The following OR10J1 variants were observed in gnomAD, a reference collection of about 807,000 sequenced individuals.
The protein encoded by OR10J1 is olfactory receptor family 10 subfamily J member 1, also known as olfactory receptor 10J1.
For missense variants in OR10J1, 474 were observed against 376.6 expected, an observed-to-expected ratio of 1.26 and a Z score of -2.14; for synonymous variants, 202 against 143.8, an observed-to-expected ratio of 1.40 and a Z score of -2.89.
At chr1:159,406,460 T>C in the OR10J1 span, 1 of 280,956 alleles carries the variant, frequency 3.6e-6, no homozygotes, top group Admixed American at 4.1e-5. Context: ...CTGAGCAGCA[T>C]CAGTTTTTTG....
At chr1:159,439,560 A>G (rs1655841118), upstream of OR10J1, among the ~76,000 whole-genome samples, 1 of 152,200 alleles carries the variant, frequency 6.6e-6, no homozygotes, top group Non-Finnish European at 1.5e-5. Flanking sequence ...TGAAAAAGTG[A>G]GACTATATGA....
the OR10J1 span, among the ~76,000 whole-genome samples, chr1:159,418,413 G>T: frequency 6.6e-6 from 1 of 152,132 alleles, no homozygotes; most frequent in Non-Finnish European, 1.5e-5. Context: ...GGTTAAAAGG[G>T]ACCAAGGTAC....
chr1:159,399,570 C>CAAAAAAAAAAAAAAA, the OR10J1 span, among the ~76,000 whole-genome samples: 1 of 56,102 alleles, frequency 1.8e-5, no homozygotes. Flanking sequence ...GATTCTGTCT[C>CAAAAAAAAAAAAAAA]AAAAAAAAAA....
rs749788094 is a variant in OR10J1 at position 159,439,987 on chromosome 1, C to A, written c.196C>A (p.Leu66Met). Residue 66 changes from leucine (L) to methionine (M), a missense_variant, in exon 1 of 1, where the codon CTG becomes ATG. Physicochemically the swap from Leu to Met is conservative, Grantham distance 15 (BLOSUM62 2). Transcript: ENST00000423932. ...HTPMYFFLSM[L>M]STSETVYTLV... ...ACCCATGTACTTCTTCCTGAGCATG[C>A]TGTCCACTTCAGAGACTGTATATAC... 17 of 1,614,182 alleles carry A rather than the reference C, an allele frequency of 1.1e-5. No homozygotes were observed. The Admixed American group carries it at 2.7e-4, about 25-fold the overall frequency.
At chr1:159,431,990 A>T in the OR10J1 span, among the ~76,000 whole-genome samples, 1 of 152,202 alleles carries the variant, frequency 6.6e-6, no homozygotes, top group African/African-American at 2.4e-5. Flanking sequence ...CAACAGACAC[A>T]TACTACATCT....
At chr1:159,397,472 C>T in the OR10J1 span, among the ~76,000 whole-genome samples, 2 of 152,230 alleles carry the variant, frequency 1.3e-5, no homozygotes, top group Admixed American at 6.5e-5. Context: ...CAGAACTGGA[C>T]TTTTGGATGG....
chr1:159,436,885 C>T (rs1466874724), upstream of OR10J1, among the ~76,000 whole-genome samples: 1 of 152,168 alleles, frequency 6.6e-6, no homozygotes, highest in Admixed American at 6.5e-5. Flanking sequence ...GTCTCACTTA[C>T]AGTTACATTT....
At chr1:159,413,038 G>A in the OR10J1 span, among the ~76,000 whole-genome samples, 1 of 152,146 alleles carries the variant, frequency 6.6e-6, no homozygotes, top group Non-Finnish European at 1.5e-5. Context: ...GACGTGAACA[G>A]ACACTTCTCA....
chr1:159,440,795 A>C lies in OR10J1; in HGVS notation c.*74A>C. On this transcript the variant is annotated 3_prime_UTR_variant, in exon 1 of 1. Coordinates refer to ENST00000423932, the MANE Select transcript of OR10J1 (RefSeq NM_012351.3). ...GAATATGAGGTGTAAACTCACAAAC[A>C]CTTGGCTCCTAGAGACCTGCCCCTT... 2 of 1,488,996 alleles carry C rather than the reference A, an allele frequency of 1.3e-6. No homozygotes were observed. The highest frequency in any genetic ancestry group is 1.8e-6 in the Non-Finnish European group (2 of 1,107,290). The allele number at this position is 1,488,996 out of a possible 1,614,324, so 92.2% of individuals were successfully genotyped here. A position where few individuals can be genotyped will look rare whatever the true frequency, so the allele number is the denominator to read the frequency against.
chr1:159,408,104 A>G, the OR10J1 span, among the ~76,000 whole-genome samples: 64 of 152,182 alleles, frequency 4.2e-4, no homozygotes, highest in African/African-American at 1.5e-3. Context: ...AGCATCAAGT[A>G]TGAGGGCCCA....
upstream of OR10J1, chr1:159,439,705 T>C (rs954130928): frequency 5.2e-6 from 8 of 1,541,040 alleles, no homozygotes; most frequent in Non-Finnish European, 7.1e-6. Flanking sequence ...CTATTGAACT[T>C]CAATCAATTT....
the OR10J1 span, among the ~76,000 whole-genome samples, chr1:159,403,585 A>G: frequency 2.9e-4 from 44 of 152,322 alleles, no homozygotes; most frequent in African/African-American, 9.1e-4. Context: ...CCCCAGTTAA[A>G]TGGTTTATAT....
the OR10J1 span, among the ~76,000 whole-genome samples, chr1:159,402,706 A>G: frequency 2.0e-5 from 3 of 152,258 alleles, no homozygotes; most frequent in East Asian, 1.9e-4. Context: ...TACAGATTCA[A>G]TGCAATCCCT....
chr1:159,404,447 G>C, the OR10J1 span, among the ~76,000 whole-genome samples: 6 of 152,050 alleles, frequency 3.9e-5, no homozygotes, highest in Non-Finnish European at 8.8e-5. Flanking sequence ...TGTGCAGTGC[G>C]CGACAGTGCC....
chr1:159,413,511 A>C, the OR10J1 span, among the ~76,000 whole-genome samples: 2 of 152,166 alleles, frequency 1.3e-5, no homozygotes, highest in Non-Finnish European at 2.9e-5. Context: ...ATGCAACCAT[A>C]AAAAATGATG....
the OR10J1 span, among the ~76,000 whole-genome samples, chr1:159,426,342 A>C: frequency 6.6e-6 from 1 of 151,906 alleles, no homozygotes; most frequent in East Asian, 1.9e-4. Context: ...GAAAATAAAG[A>C]GGCTGAAAAT....
At chr1:159,403,611 A>C in the OR10J1 span, among the ~76,000 whole-genome samples, 1 of 152,194 alleles carries the variant, frequency 6.6e-6, no homozygotes, top group Non-Finnish European at 1.5e-5. Flanking sequence ...AGACAAGACA[A>C]TAGCAAATGC....
chr1:159,405,632 C>A, the OR10J1 span: 5 of 432,486 alleles, frequency 1.2e-5, no homozygotes, highest in Non-Finnish European at 2.3e-5. Flanking sequence ...TGGCTGATGA[C>A]CACTATGAGA....
At chr1:159,413,967 G>A in the OR10J1 span, among the ~76,000 whole-genome samples, 23 of 151,676 alleles carry the variant, frequency 1.5e-4, no homozygotes, top group Middle Eastern at 3.4e-3. Context: ...TTTTAAATTG[G>A]CACATAATAT....
Sources: allele counts gnomAD v4.1 joint callset (sites outside exome capture counted in the v4.1 genomes callset), GRCh38; gene constraint gnomAD v4.1.1; transcripts MANE v1.5; gene names NCBI Gene and HGNC (gene_info 2026-07-23, HGNC 2026-07-21).